The following GSE1 variants were observed in gnomAD, a reference collection of about 807,000 sequenced individuals.
The protein encoded by GSE1 is Gse1 coiled-coil protein.
In GSE1, 32 loss-of-function variants were observed where a neutral mutation model predicts 112.6. The observed-to-expected ratio is 0.28, with a 90% CI of 0.21 to 0.38. The LOEUF (loss-of-function observed/expected upper bound fraction) is 0.38, where lower values mean the gene tolerates loss of function less well. Ranked by LOEUF, GSE1 falls within the 10% of genes least tolerant of loss-of-function variation. The pLI is 1.00. For synonymous variants in GSE1, 1,115 were observed against 735.6 expected, an observed-to-expected ratio of 1.52 and a Z score of -8.35; for missense variants, 2,348 against 1,699.2, an observed-to-expected ratio of 1.38 and a Z score of -6.71.
chr16:85,358,368 C>G (rs562587147), intron 2 of GSE1, among the ~76,000 whole-genome samples: 1 of 152,256 alleles, frequency 6.6e-6, no homozygotes, highest in Admixed American at 6.5e-5. Flanking sequence ...CCTGAAGCCA[C>G]CCCTTAGGCC....
At chr16:85,234,985 C>G (rs1904444879) in intron 1 of GSE1, among the ~76,000 whole-genome samples, 1 of 152,092 alleles carries the variant, frequency 6.6e-6, no homozygotes, top group Non-Finnish European at 1.5e-5. Context: ...AGAGGCCAAT[C>G]TGGGCCCTGA....
At chr16:85,342,551 C>T (rs1443257735) in intron 1 of GSE1, among the ~76,000 whole-genome samples, 1 of 152,110 alleles carries the variant, frequency 6.6e-6, no homozygotes, top group East Asian at 1.9e-4. Context: ...ACTCTCATAT[C>T]CTTTTGGGAG....
chr16:85,404,626 GC>G (rs1456712105), intron 2 of GSE1, among the ~76,000 whole-genome samples: 2 of 49,688 alleles, frequency 4.0e-5, no homozygotes, highest in South Asian at 1.1e-3. Flanking sequence ...TACACTCAGG[GC>G]CCCCCTGGAT....
rs558065507 is a variant in GSE1 at position 85,667,513 on chromosome 16, G to A, written c.3131-627G>A. On this transcript the variant is annotated intron_variant, in intron 13 of 15. Coordinates refer to ENST00000253458, the MANE Select transcript of GSE1 (RefSeq NM_014615.5). ...CTAGGGATCAAAACAGCCACGCCTT[G>A]TGAGAGGATGGGCTGGTGTCTGCTG... Among the ~76,000 whole-genome samples, 18 of 152,350 alleles carry A rather than the reference G, an allele frequency of 1.2e-4. No homozygotes were observed. The South Asian group carries it at 3.7e-3, about 32-fold the overall frequency.
intron 1 of GSE1, among the ~76,000 whole-genome samples, chr16:85,331,347 G>GTATATATA (rs1567692423): frequency 2.9e-5 from 2 of 70,110 alleles, no homozygotes; most frequent in African/African-American, 4.9e-5. Flanking sequence ...GTGTGTGTGT[G>GTATATATA]TGTGTGTGTG....
chr16:85,578,153 C>T (rs1322222879), intron 1 of GSE1, among the ~76,000 whole-genome samples: 1 of 152,236 alleles, frequency 6.6e-6, no homozygotes, highest in African/African-American at 2.4e-5. Flanking sequence ...ATTGGCAGGG[C>T]CTCTCCCCAG....
At chr16:85,476,199 T>C (rs540926074) in intron 2 of GSE1, among the ~76,000 whole-genome samples, 1 of 152,354 alleles carries the variant, frequency 6.6e-6, no homozygotes, top group South Asian at 2.1e-4. Context: ...CCCAGAGTGC[T>C]GGGATTACAG....
chr16:85,279,249 T>C (rs1021987019), intron 1 of GSE1, among the ~76,000 whole-genome samples: 13 of 152,234 alleles, frequency 8.5e-5, no homozygotes, highest in Non-Finnish European at 1.6e-4. Context: ...CTGTGTACTC[T>C]ACGGGTTCTA....
intron 1 of GSE1, among the ~76,000 whole-genome samples, chr16:85,215,644 T>G (rs989712140): frequency 4.6e-5 from 7 of 152,222 alleles, no homozygotes; most frequent in African/African-American, 7.2e-5. Flanking sequence ...GACACGCGGC[T>G]GTTGTTTGTT....
At chr16:85,588,108 G>A (rs1027853400) in intron 1 of GSE1, among the ~76,000 whole-genome samples, 1 of 152,170 alleles carries the variant, frequency 6.6e-6, no homozygotes, top group East Asian at 1.9e-4. Context: ...GGTGGGCGAC[G>A]CTGTCCTTGC....
chr16:85,497,515 C>A (rs545675703), intron 2 of GSE1, among the ~76,000 whole-genome samples: 1 of 152,202 alleles, frequency 6.6e-6, no homozygotes, highest in African/African-American at 2.4e-5. Context: ...CCCTGAGAGG[C>A]ACCCCGCTCT....
At chr16:85,625,567 G>A (rs899759157) in intron 1 of GSE1, among the ~76,000 whole-genome samples, 12 of 152,166 alleles carry the variant, frequency 7.9e-5, no homozygotes, top group African/African-American at 2.9e-4. Flanking sequence ...TTGTGTGGAC[G>A]TCTCCCGAGA....
At chr16:85,359,749 C>T (rs1336742331) in intron 2 of GSE1, among the ~76,000 whole-genome samples, 1 of 152,198 alleles carries the variant, frequency 6.6e-6, no homozygotes, top group Non-Finnish European at 1.5e-5. Context: ...GGGCACGAAC[C>T]CCGACGTCTG....
Position 85,657,380 on chromosome 16 carries a change from T to C in GSE1, c.1416T>C (p.His472=). Residue 472 remains histidine, a synonymous_variant, in exon 8 of 16, where the codon CAT becomes CAC. Coordinates refer to ENST00000253458, the MANE Select transcript of GSE1 (RefSeq NM_014615.5). ...HHTVPSLISN[H]GIFSLPSSSA... ...CGGTGCCCAGCCTCATCTCCAACCA[T>C]GGCATCTTCTCTCTGCCTAGCAGCA... 3.1e-6 allele frequency: 5 copies of C among 1,612,492 alleles called. No homozygotes were observed. Among genetic ancestry groups the C allele is most frequent in the Non-Finnish European group, 4.2e-6 (5 of 1,179,798 alleles).
At chr16:85,515,096 G>T in intron 2 of GSE1, among the ~76,000 whole-genome samples, 1 of 152,184 alleles carries the variant, frequency 6.6e-6, no homozygotes, top group East Asian at 1.9e-4. Flanking sequence ...CGTGTCAGGG[G>T]TGCTCCGCCT....
At chr16:85,596,014 A>G (rs951570470) in intron 1 of GSE1, among the ~76,000 whole-genome samples, 10 of 124,972 alleles carry the variant, frequency 8.0e-5, no homozygotes, top group Non-Finnish European at 1.5e-4. Context: ...CCATTCTCCC[A>G]TCTGCCCACC....
At chr16:85,346,268 T>C (rs1597450332) in intron 1 of GSE1, among the ~76,000 whole-genome samples, 1 of 146,912 alleles carries the variant, frequency 6.8e-6, no homozygotes, top group Admixed American at 6.8e-5. Context: ...GATGGATGGG[T>C]GGATAGATGA....
At chr16:85,647,383 AC>A (rs2050963415) in intron 2 of GSE1, among the ~76,000 whole-genome samples, 1 of 152,184 alleles carries the variant, frequency 6.6e-6, no homozygotes, top group African/African-American at 2.4e-5. Flanking sequence ...GTGGTTGTAA[AC>A]AGCGAACCTA....
chr16:85,467,473 A>G (rs2050156742), intron 2 of GSE1, among the ~76,000 whole-genome samples: 1 of 152,176 alleles, frequency 6.6e-6, no homozygotes, highest in South Asian at 2.1e-4. Flanking sequence ...ATGTTGTTGT[A>G]TTAGACGGGG....
Sources: gnomAD v4.1 joint callset for allele counts (sites outside exome capture counted in the v4.1 genomes callset) on GRCh38, gnomAD v4.1.1 for gene constraint, MANE v1.5 for transcripts, NCBI Gene and HGNC (gene_info 2026-07-23, HGNC 2026-07-21) for gene names.